Variants in B3GNT3 observed in about 807,000 individuals in gnomAD.
B3GNT3 encodes the protein UDP-GlcNAc:betaGal beta-1,3-N-acetylglucosaminyltransferase 3.
Under a neutral mutation model 11.6 loss-of-function variants are expected in B3GNT3, and 7 were observed. The ratio of observed to expected loss-of-function variants is 0.60; its 90% confidence interval spans 0.34 to 1.13. The LOEUF (loss-of-function observed/expected upper bound fraction) is 1.13, where lower values mean the gene tolerates loss of function less well. B3GNT3 is among the 50% of genes most tolerant of loss of function. B3GNT3 has a pLI of 0.03. For missense variants in B3GNT3, 400 were observed against 507.4 expected (o/e 0.79, Z 2.03); for synonymous variants, 201 against 222.1 (o/e 0.90, Z 0.85).
At chr19:17,807,111 A>AGTGTGTGTGTGTGTGTGTGTGT (rs56140662) in intron 1 of B3GNT3, among the ~76,000 whole-genome samples, 11,124 of 116,020 alleles carry the variant, frequency 0.096, 950 homozygotes, top group Non-Finnish European at 0.13. Context: ...CAGTGGCCCC[A>AGTGTGTGTGTGTGTGTGTGTGT]GTGTGTGTGT....
intron 1 of B3GNT3, among the ~76,000 whole-genome samples, chr19:17,804,760 G>C (rs761598701): frequency 1.3e-5 from 2 of 151,822 alleles, no homozygotes; most frequent in African/African-American, 2.4e-5. Context: ...GTTTCACCAT[G>C]TTGGCCAGGC....
Position 17,808,089 on chromosome 19 carries a change from G to C in B3GNT3, c.282G>C (p.Leu94=). 1 of 1,613,698 alleles carries C rather than the reference G, an allele frequency of 6.2e-7. No individual in the cohort carries two copies. The highest frequency in any genetic ancestry group is 2.2e-5 in the East Asian group (1 of 44,846). The change falls in exon 2 of 3, where the codon CTG becomes CTC. Residue 94 remains leucine (L), a synonymous_variant. Coordinates refer to ENST00000318683, the MANE Select transcript of B3GNT3 (RefSeq NM_014256.4). ...LLYRHCRHFP[L]LQDVPPSKCA... is the part of the protein sequence containing the mutation. ...ACAGACACTGCCGCCACTTTCCCCT[G>C]CTGCAGGACGTGCCCCCCTCTAAGT... is the stretch of plus-strand genomic sequence containing the variant.
intron 2 of B3GNT3, 136 bp downstream of exon 2, chr19:17,808,510 C>T: frequency 3.1e-6 from 3 of 968,290 alleles, no homozygotes; most frequent in Non-Finnish European, 4.5e-6. Flanking sequence ...GCTGTCCTCA[C>T]CAGCCTCGTG....
At chr19:17,807,185 G>A (rs2094174205) in intron 1 of B3GNT3, among the ~76,000 whole-genome samples, 1 of 137,196 alleles carries the variant, frequency 7.3e-6, no homozygotes, top group African/African-American at 2.7e-5. Context: ...TCCTAATAAG[G>A]AAACTAAGAC....
rs1398622284 is a variant in B3GNT3 at position 17,807,763 on chromosome 19, GC to G, written c.-42del. ...GTGAGTTTTGTTTTCCACAGGAGCC[GC>G]CCAGGAGGCTCCTCAGGCCGACCCC... is the stretch of plus-strand genomic sequence containing the variant. On this transcript the variant is annotated 5_prime_UTR_variant, in exon 2 of 3. Transcript: ENST00000318683. 6.5e-7 allele frequency: 1 copy of G among 1,550,228 alleles called. No individual in the cohort carries two copies. The highest frequency in any genetic ancestry group is 1.8e-5 in the Admixed American group (1 of 54,952).
At chr19:17,803,853 T>TA (rs11318875) in intron 1 of B3GNT3, among the ~76,000 whole-genome samples, 1,468 of 140,488 alleles carry the variant, frequency 0.01, 20 homozygotes, top group Admixed American at 0.029. Context: ...ATCCTATCAC[T>TA]AAAAAAAAAA....
chr19:17,801,603 C>T lies in B3GNT3; in HGVS notation c.-50-6155C>T, dbSNP rs544807068. Among the ~76,000 whole-genome samples, 379 of 152,248 alleles carry T rather than the reference C, an allele frequency of 2.5e-3. 1 individual carries two copies. Among genetic ancestry groups the T allele is most frequent in the Non-Finnish European group, 4.6e-3 (310 of 68,018 alleles). ...GGCTCAAGCGATTCTCCTGCCTCAGCTTCCCAAGTAGCTGGGACTACAGGT... is the reference window on the plus strand; with the variant it reads ...GGCTCAAGCGATTCTCCTGCCTCAGTTTCCCAAGTAGCTGGGACTACAGGT... On this transcript the variant is annotated intron_variant, in intron 1 of 2. Coordinates refer to ENST00000318683, the MANE Select transcript of B3GNT3 (RefSeq NM_014256.4).
chr19:17,811,589 C>A lies in B3GNT3; in HGVS notation c.586C>A (p.Gln196Lys). ...TLKQVLFLQW[Q>K]ETRCANASFV... ...CCTGCAGGTCCTGTTCTTACAGTGG[C>A]AGGAGACAAGGTGCGCCAACGCCAG... Residue 196 changes from glutamine (Q) to lysine (K), a missense_variant, in exon 3 of 3, where the codon CAG becomes AAG. Gln to Lys is a moderately conservative substitution (Grantham distance 53). Transcript: ENST00000318683. The surrounding 1 kb of genome is among the most constrained non-coding windows in gnomAD (Gnocchi z 4.1). 1 of 1,612,032 alleles carries A rather than the reference C, an allele frequency of 6.2e-7. No individual in the cohort carries two copies.
At chr19:17,796,105 G>T (rs2094159232) in intron 1 of B3GNT3, among the ~76,000 whole-genome samples, 1 of 152,036 alleles carries the variant, frequency 6.6e-6, no homozygotes, top group East Asian at 1.9e-4. Context: ...TTTATTTGTA[G>T]AGGTGGGGGA....
intron 1 of B3GNT3, among the ~76,000 whole-genome samples, chr19:17,799,093 A>G (rs1333495738): frequency 6.6e-6 from 1 of 152,178 alleles, no homozygotes; most frequent in Admixed American, 6.6e-5. Flanking sequence ...ATCCGTATGT[A>G]GTCAAACGGG....
In B3GNT3 at chr19:17,808,208, G is replaced by T. The variant is rs750458504; in HGVS notation, c.401G>T (p.Arg134Leu). The part of the protein sequence containing the change: ...ELLRRTWGRE[R>L]KVRGLQLRLL... ...CTGCGGCGCACGTGGGGCCGCGAGC[G>T]CAAGGTACGGGGTTTGCAGCTGCGC... The change falls in exon 2 of 3, where the codon CGC (arginine) becomes CTC (leucine). Residue 134 changes from arginine to leucine, a missense_variant. Physicochemically the swap from Arg to Leu is moderately radical, Grantham distance 102. Coordinates refer to ENST00000318683, the MANE Select transcript of B3GNT3 (RefSeq NM_014256.4). 12 of 1,611,660 alleles carry T rather than the reference G, an allele frequency of 7.4e-6. No individual in the cohort carries two copies. The highest frequency in any genetic ancestry group is 1.0e-5 in the Non-Finnish European group (12 of 1,178,408).
In B3GNT3 at chr19:17,808,140, G is replaced by A. The variant is rs1441102754; in HGVS notation, c.333G>A (p.Leu111=). The change falls in exon 2 of 3, where the codon CTG becomes CTA. Residue 111 remains leucine (L), a synonymous_variant. Coordinates refer to ENST00000318683, the MANE Select transcript of B3GNT3 (RefSeq NM_014256.4). ...SKCAQPVFLL[L]VIKSSPSNYV... ...GCGCGCAGCCGGTCTTCCTGCTGCT[G>A]GTGATCAAGTCCTCCCCTAGCAACT... 1.9e-6 allele frequency: 3 copies of A among 1,613,628 alleles called. No individual in the cohort carries two copies. The African/African-American group carries it at 4.0e-5, about 22-fold the overall frequency.
At position 17,807,960 on chromosome 19, in the gene B3GNT3, T is replaced by TCCCGC. The variant is rs2094175409; in HGVS notation, c.155_156insCGCCC (p.Pro53AlafsTer62). On this transcript the variant is annotated frameshift_variant, in exon 2 of 3. Transcript: ENST00000318683. LOFTEE classifies it high-confidence loss of function. ...TCCCCGAGGCCCTGGCCTGGCCCAC[T>TCCCGC]CCACCCACCCGCCCAGCCCCGGCCC... 5.6e-5 allele frequency: 90 copies of TCCCGC among 1,609,442 alleles called. No homozygotes were observed. The highest frequency in any genetic ancestry group is 6.8e-5 in the Non-Finnish European group (80 of 1,178,032).
At chr19:17,809,193 G>A (rs2094177573) in intron 2 of B3GNT3, among the ~76,000 whole-genome samples, 1 of 152,114 alleles carries the variant, frequency 6.6e-6, no homozygotes, top group African/African-American at 2.4e-5. Flanking sequence ...GGCCTTGTCT[G>A]TTTCACTCAC....
At chr19:17,803,077 C>T (rs943250222) in intron 1 of B3GNT3, among the ~76,000 whole-genome samples, 2 of 151,876 alleles carry the variant, frequency 1.3e-5, no homozygotes, top group Non-Finnish European at 2.9e-5. Flanking sequence ...ACGATCTCGG[C>T]TCACTGCAAC....
Position 17,808,002 on chromosome 19 carries a change from C to G in B3GNT3, c.195C>G (p.Thr65=). 1 of 1,612,068 alleles carries G rather than the reference C, an allele frequency of 6.2e-7. No homozygotes were observed. The highest frequency in any genetic ancestry group is 1.6e-4 in the Middle Eastern group (1 of 6,062). Residue 65 remains threonine, a synonymous_variant, in exon 2 of 3, where the codon ACC becomes ACG. Coordinates refer to ENST00000318683, the MANE Select transcript of B3GNT3 (RefSeq NM_014256.4). ...CCCCGGCCCCGTGCCATGCCAACAC[C>G]TCTATGGTCACCCACCCGGACTTCG... ...RPAPAPCHAN[T]SMVTHPDFAT...
At chr19:17,797,698 T>C (rs1321666090) in intron 1 of B3GNT3, among the ~76,000 whole-genome samples, 1 of 152,066 alleles carries the variant, frequency 6.6e-6, no homozygotes, top group Non-Finnish European at 1.5e-5. Context: ...ACCCCACCCC[T>C]TTTTCCATAC....
chr19:17,797,890 C>T (rs950917198), intron 1 of B3GNT3, among the ~76,000 whole-genome samples: 2 of 152,194 alleles, frequency 1.3e-5, no homozygotes, highest in Non-Finnish European at 2.9e-5. Context: ...AGGGACCAGC[C>T]TATCATTACT....
At chr19:17,802,273 C>G (rs1420771132) in intron 1 of B3GNT3, among the ~76,000 whole-genome samples, 1 of 152,134 alleles carries the variant, frequency 6.6e-6, no homozygotes, top group Non-Finnish European at 1.5e-5. Context: ...AATCTGTCTT[C>G]TGAGGCAGAA....
Sources: allele counts gnomAD v4.1 joint callset (sites outside exome capture counted in the v4.1 genomes callset), GRCh38; gene constraint gnomAD v4.1.1; non-coding constraint Gnocchi (gnomAD v3.1); transcripts MANE v1.5; gene names NCBI Gene and HGNC (gene_info 2026-07-23, HGNC 2026-07-21).